HS3ST5: variants seen among roughly 807,000 people sequenced by gnomAD.
The protein encoded by HS3ST5 is heparan sulfate-glucosamine 3-sulfotransferase 5.
Under a neutral mutation model 25.4 loss-of-function variants are expected in HS3ST5, and 10 were observed. The ratio of observed to expected loss-of-function variants is 0.39; its 90% confidence interval spans 0.24 to 0.67. The LOEUF is 0.67. Ranked by LOEUF, HS3ST5 falls within the 30% of genes least tolerant of loss-of-function variation. The pLI is 0.44. For synonymous variants in HS3ST5, 170 were observed against 162.4 expected, an observed-to-expected ratio of 1.05 and a Z score of -0.36; for missense variants, 324 against 420.7, an observed-to-expected ratio of 0.77 and a Z score of 2.01.
At chr6:114,280,129 G>A (rs971197063) in intron 1 of HS3ST5, among the ~76,000 whole-genome samples, 3 of 151,806 alleles carry the variant, frequency 2.0e-5, no homozygotes, top group Non-Finnish European at 4.4e-5. Context: ...ATAAAGATGT[G>A]TGAGAGAGTG....
intron 3 of HS3ST5, among the ~76,000 whole-genome samples, chr6:114,086,332 C>A (rs1222767409): frequency 6.6e-6 from 1 of 152,092 alleles, no homozygotes; most frequent in East Asian, 1.9e-4. Flanking sequence ...AGATTCCAAG[C>A]AAGAGAAGGA....
chr6:114,160,725 A>G (rs1778905941), intron 3 of HS3ST5, among the ~76,000 whole-genome samples: 1 of 152,192 alleles, frequency 6.6e-6, no homozygotes, highest in African/African-American at 2.4e-5. Flanking sequence ...CAACAGCATT[A>G]GGGAACATAA....
intron 1 of HS3ST5, among the ~76,000 whole-genome samples, chr6:114,287,513 A>G (rs1159117223): frequency 1.3e-5 from 2 of 152,088 alleles, no homozygotes; most frequent in African/African-American, 4.8e-5. Context: ...TTTATAATGT[A>G]CATACTGTTT....
At chr6:114,180,456 G>A (rs1283555585) in intron 2 of HS3ST5, among the ~76,000 whole-genome samples, 2 of 152,056 alleles carry the variant, frequency 1.3e-5, no homozygotes, top group Non-Finnish European at 2.9e-5. Flanking sequence ...TCTGATGAGG[G>A]CCCTCTTCCT....
At chr6:114,341,698 T>C (rs958766684) in intron 1 of HS3ST5, among the ~76,000 whole-genome samples, 2 of 151,984 alleles carry the variant, frequency 1.3e-5, no homozygotes, top group African/African-American at 4.8e-5. Context: ...ACATGTTAAC[T>C]TAGCCTTTGC....
At chr6:114,228,193 C>G (rs1220778230) in intron 2 of HS3ST5, among the ~76,000 whole-genome samples, 8 of 152,092 alleles carry the variant, frequency 5.3e-5, no homozygotes, top group Non-Finnish European at 1.0e-4. Flanking sequence ...ATTCTTACGA[C>G]ACATCCCATT....
At chr6:114,099,069 C>G (rs1775593228) in intron 3 of HS3ST5, among the ~76,000 whole-genome samples, 1 of 152,056 alleles carries the variant, frequency 6.6e-6, no homozygotes, top group Admixed American at 6.6e-5. Flanking sequence ...GTCTAGAACT[C>G]CTGATAGATA....
chr6:114,064,369 G>C (rs567865131), intron 3 of HS3ST5, among the ~76,000 whole-genome samples: 1 of 152,286 alleles, frequency 6.6e-6, no homozygotes, highest in East Asian at 1.9e-4. Context: ...CTGATAATGT[G>C]ATTAGGGAAT....
chr6:114,218,638 G>A (rs1781881691), intron 2 of HS3ST5, among the ~76,000 whole-genome samples: 1 of 152,120 alleles, frequency 6.6e-6, no homozygotes, highest in African/African-American at 2.4e-5. Flanking sequence ...TTAAACAGCT[G>A]GTATTTAAAC....
intron 1 of HS3ST5, among the ~76,000 whole-genome samples, chr6:114,265,154 G>A (rs1364704843): frequency 2.6e-5 from 4 of 152,128 alleles, no homozygotes; most frequent in Admixed American, 2.6e-4. Context: ...CAAAGTGCTG[G>A]AATTACAGGT....
At chr6:114,196,621 T>C (rs1169671715) in intron 2 of HS3ST5, among the ~76,000 whole-genome samples, 1 of 151,602 alleles carries the variant, frequency 6.6e-6, no homozygotes, top group Non-Finnish European at 1.5e-5. Flanking sequence ...ATTAGCATCA[T>C]TGTAAGCACC....
intron 3 of HS3ST5, among the ~76,000 whole-genome samples, chr6:114,077,850 A>G (rs757788884): frequency 7.9e-5 from 12 of 152,220 alleles, no homozygotes; most frequent in Non-Finnish European, 1.5e-4. Context: ...GATACATTAA[A>G]AGTATAATGG....
At chr6:114,129,617 C>G (rs1307636065) in intron 3 of HS3ST5, among the ~76,000 whole-genome samples, 1 of 152,064 alleles carries the variant, frequency 6.6e-6, no homozygotes, top group Non-Finnish European at 1.5e-5. Flanking sequence ...ATTATGCTTG[C>G]TATTGTTAGG....
chr6:114,098,466 C>A (rs2114813929), intron 3 of HS3ST5, among the ~76,000 whole-genome samples: 1 of 148,522 alleles, frequency 6.7e-6, no homozygotes, highest in Middle Eastern at 3.6e-3. Flanking sequence ...GACTTTATGG[C>A]CACTCTCAAA....
intron 3 of HS3ST5, among the ~76,000 whole-genome samples, chr6:114,116,763 C>T (rs903514347): frequency 1.3e-5 from 2 of 152,100 alleles, no homozygotes; most frequent in Non-Finnish European, 2.9e-5. Flanking sequence ...ACTGACCTAA[C>T]TCTTACTTAA....
chr6:114,321,511 T>A (rs1232353102), intron 1 of HS3ST5, among the ~76,000 whole-genome samples: 1 of 152,126 alleles, frequency 6.6e-6, no homozygotes, highest in Non-Finnish European at 1.5e-5. Flanking sequence ...TCTGTAAGAC[T>A]GTAAGCTGAA....
intron 3 of HS3ST5, among the ~76,000 whole-genome samples, chr6:114,101,479 C>T (rs1239285290): frequency 6.6e-6 from 1 of 152,104 alleles, no homozygotes; most frequent in Non-Finnish European, 1.5e-5. Context: ...CAGAGTGCCC[C>T]TTTTGTTGAT....
At chr6:114,161,962 T>C (rs1460291999) in intron 3 of HS3ST5, among the ~76,000 whole-genome samples, 2 of 151,956 alleles carry the variant, frequency 1.3e-5, no homozygotes, top group South Asian at 2.1e-4. Context: ...AAAAAGCCAA[T>C]TTGGTAGAAA....
At chr6:114,309,705 C>T (rs1775451028) in intron 1 of HS3ST5, among the ~76,000 whole-genome samples, 1 of 152,092 alleles carries the variant, frequency 6.6e-6, no homozygotes, top group Non-Finnish European at 1.5e-5. Flanking sequence ...TGCACTCCAG[C>T]CTGGGCGACA....
Sources: allele counts gnomAD v4.1 joint callset (sites outside exome capture counted in the v4.1 genomes callset), GRCh38; gene constraint gnomAD v4.1.1; transcripts MANE v1.5; gene names NCBI Gene and HGNC (gene_info 2026-07-23, HGNC 2026-07-21).